The following GMDS variants were observed in gnomAD, a reference collection of about 807,000 sequenced individuals.
GMDS encodes the protein GDP-mannose 4,6 dehydratase.
In GMDS, 20 loss-of-function variants were observed where a neutral mutation model predicts 49.9. The ratio of observed to expected loss-of-function variants is 0.40; its 90% CI spans 0.28 to 0.58. The LOEUF (loss-of-function observed/expected upper bound fraction) is 0.58. Among genes scored for constraint, GMDS ranks in the 20% least tolerant of loss-of-function variants. The probability of loss-of-function intolerance (pLI) is 0.42; values close to 1 mark genes in which losing one functional copy is unlikely to be tolerated. For missense variants in GMDS, 362 were observed against 481.4 expected (o/e 0.75, Z 2.32); for synonymous variants, 177 against 178.6 (o/e 0.99, Z 0.07).
At chr6:1,974,953 G>C (rs1442443610) in intron 4 of GMDS, among the ~76,000 whole-genome samples, 4 of 151,538 alleles carry the variant, frequency 2.6e-5, no homozygotes, top group Admixed American at 1.3e-4. Flanking sequence ...CAGGAGAATT[G>C]CTTGAACCCA....
At chr6:1,634,531 C>T (rs538578535) in intron 9 of GMDS, among the ~76,000 whole-genome samples, 2 of 152,328 alleles carry the variant, frequency 1.3e-5, no homozygotes, top group South Asian at 4.2e-4. Flanking sequence ...CTGGGTGTGT[C>T]TCTCTGTGTC....
rs542769157 is a variant in GMDS, at chr6:2,025,210, T to C, written c.346-64244A>G. ...AACTCAAAGAAAGAAGACATTAAAG[T>C]TGATTTTTATTTTTATTTTGTAAAG... On this transcript the variant is annotated intron_variant, in intron 4 of 10. Coordinates refer to ENST00000380815, the MANE Select transcript of GMDS (RefSeq NM_001500.4). Among the ~76,000 whole-genome samples the C allele has an allele frequency of 2.5e-3, 375 of 152,198 alleles. 1 individual carries two copies. Among genetic ancestry groups the C allele is most frequent in the African/African-American group, 8.8e-3 (364 of 41,536 alleles).
chr6:2,122,935 CCTTCTATTGT>C (rs1775221198), intron 2 of GMDS, among the ~76,000 whole-genome samples: 1 of 152,170 alleles, frequency 6.6e-6, no homozygotes, highest in African/African-American at 2.4e-5. Context: ...GCCAAGTGGG[CCTTCTATTGT>C]CTTTTTGTGT....
rs551321002 is a variant in GMDS at position 1,624,827 on chromosome 6, CTTTTTTTTTTTTTTTT to C, written c.988-303_988-288del. 12 of 83,280 alleles carry C rather than the reference CTTTTTTTTTTTTTTTT, an allele frequency of 1.4e-4. 1 individual carries two copies. Among genetic ancestry groups the C allele is most frequent in the Admixed American group, 2.8e-4 (2 of 7,114 alleles). 5.2% of individuals were successfully genotyped at this position (83,280 alleles called of 1,614,324 possible). ...CAAGGCGTCCCTTGGGCTCTTAATG[CTTTTTTTTTTTTTTTT>C]TTTTTTTTTTTATAACATGAAGTTG... On this transcript the variant is annotated intron_variant, in intron 9 of 10. Transcript: ENST00000380815.
At chr6:1,628,782 G>A (rs894045289) in intron 9 of GMDS, among the ~76,000 whole-genome samples, 10 of 152,198 alleles carry the variant, frequency 6.6e-5, no homozygotes, top group African/African-American at 2.2e-4. Context: ...AAGGAAAGCC[G>A]AGACTGATGA....
chr6:1,821,616 T>G (rs924363207), intron 7 of GMDS, among the ~76,000 whole-genome samples: 3 of 35,420 alleles, frequency 8.5e-5, no homozygotes, highest in African/African-American at 3.9e-4. Context: ...TATTTGTTTT[T>G]TTTTTTTTTT....
intron 8 of GMDS, among the ~76,000 whole-genome samples, chr6:1,730,282 C>T (rs1766740571): frequency 6.6e-6 from 1 of 152,178 alleles, no homozygotes; most frequent in South Asian, 2.1e-4. Flanking sequence ...AATAAACTCA[C>T]ATGAGCTAAG....
At chr6:1,650,782 G>A (rs1763628518) in intron 9 of GMDS, among the ~76,000 whole-genome samples, 1 of 151,980 alleles carries the variant, frequency 6.6e-6, no homozygotes, top group Non-Finnish European at 1.5e-5. Flanking sequence ...GTTTCGCCAT[G>A]TTGTCCAGGC....
chr6:1,959,956 TAG>T lies in GMDS; in HGVS notation c.552_553del (p.Tyr185CysfsTer10). The T allele has an allele frequency of 1.2e-6, 2 of 1,601,062 alleles. No individual in the cohort carries two copies. Among genetic ancestry groups the T allele is most frequent in the African/African-American group, 1.3e-5 (1 of 74,614 alleles). ...GAAGTTCACCACAATCCAATAGGCA[TAG>T]AGTTTTGCTGCCCCTGTTGGAATAA... On this transcript the variant is annotated frameshift_variant, in exon 6 of 11. Transcript: ENST00000380815. LOFTEE classifies it high-confidence loss of function.
rs1046452215 is a variant in GMDS at position 1,907,422 on chromosome 6, T to C, written c.771+22681A>G. On this transcript the variant is annotated intron_variant, in intron 7 of 10. Transcript: ENST00000380815. ...TGAGACCTCTGAATAAAAGCAACTT[T>C]CTAAAAATATTTAAAAAGAAGTTTT... Among the ~76,000 whole-genome samples the C allele has an allele frequency of 2.0e-5, 3 of 152,196 alleles. No homozygotes were observed. The South Asian group carries it at 6.2e-4, about 31-fold the overall frequency.
chr6:1,751,055 A>G (rs1486580939), intron 7 of GMDS, among the ~76,000 whole-genome samples: 1 of 152,212 alleles, frequency 6.6e-6, no homozygotes, highest in Admixed American at 6.5e-5. Context: ...TTTCTGAAAG[A>G]AAGGCAGCAA....
At chr6:2,031,118 G>GTT (rs1768932241) in intron 4 of GMDS, among the ~76,000 whole-genome samples, 1 of 152,146 alleles carries the variant, frequency 6.6e-6, no homozygotes, top group Non-Finnish European at 1.5e-5. Flanking sequence ...TACAGAAATC[G>GTT]CCCTGTTAAC....
In GMDS at chr6:1,698,468, TC is replaced by T. The variant is rs202083649; in HGVS notation, c.987+27947del. 3.9e-4 allele frequency among the ~76,000 whole-genome samples: 60 copies of T among 152,342 alleles called. No homozygotes were observed. The East Asian group carries it at 9.8e-3, about 25-fold the overall frequency. ...TAGGGGCAGCAGTCTTTCTTCTGTT[TC>T]CAGAAAGAGTTGAGTATTTTGTGGT... is the stretch of plus-strand genomic sequence containing the variant. On this transcript the variant is annotated intron_variant, in intron 9 of 10. Coordinates refer to ENST00000380815, the MANE Select transcript of GMDS (RefSeq NM_001500.4).
intron 4 of GMDS, among the ~76,000 whole-genome samples, chr6:1,991,456 C>T (rs575276196): frequency 7.1e-4 from 108 of 152,308 alleles, no homozygotes; most frequent in African/African-American, 2.2e-3. Flanking sequence ...CCCTTCTTTA[C>T]CACCAGTAAC....
At chr6:2,163,647 T>A (rs1463485622) in intron 1 of GMDS, among the ~76,000 whole-genome samples, 1 of 152,158 alleles carries the variant, frequency 6.6e-6, no homozygotes, top group East Asian at 1.9e-4. Flanking sequence ...CTCAAGACAG[T>A]CAGGCAGGAA....
In GMDS at chr6:1,756,293, C is replaced by T. The variant is rs193066303; in HGVS notation, c.772-13707G>A. ...TTTTTTTTTTTTTGAGATGGAGTTTCGCTTTTGTCTCCCTGGCTGGAGTAC... is the reference window on the plus strand; with the variant it reads ...TTTTTTTTTTTTTGAGATGGAGTTTTGCTTTTGTCTCCCTGGCTGGAGTAC... On this transcript the variant is annotated intron_variant, in intron 7 of 10. Transcript: ENST00000380815. 3.3e-3 allele frequency among the ~76,000 whole-genome samples: 457 copies of T among 137,936 alleles called. 2 individuals carry two copies. Among genetic ancestry groups the T allele is most frequent in the African/African-American group, 0.012 (439 of 36,036 alleles). 90.5% of individuals were successfully genotyped at this position (137,936 alleles called of 152,430 possible).
chr6:2,009,257 T>C (rs546359834), intron 4 of GMDS, among the ~76,000 whole-genome samples: 3 of 152,276 alleles, frequency 2.0e-5, no homozygotes, highest in East Asian at 3.9e-4. Context: ...CATGAAGAAG[T>C]AGTGACCAAC....
intron 9 of GMDS, among the ~76,000 whole-genome samples, chr6:1,705,420 G>C (rs1057148289): frequency 6.6e-6 from 1 of 152,198 alleles, no homozygotes; most frequent in African/African-American, 2.4e-5. Context: ...TAGGCAGGTG[G>C]TAAGTTTGTA....
chr6:1,853,604 G>A (rs1431851058), intron 7 of GMDS, among the ~76,000 whole-genome samples: 5 of 150,652 alleles, frequency 3.3e-5, no homozygotes, highest in Non-Finnish European at 5.9e-5. Context: ...GGACAACCAC[G>A]TGTACAGGGC....
Sources: gnomAD v4.1 joint callset for allele counts (sites outside exome capture counted in the v4.1 genomes callset) on GRCh38, gnomAD v4.1.1 for gene constraint, MANE v1.5 for transcripts, NCBI Gene and HGNC (gene_info 2026-07-23, HGNC 2026-07-21) for gene names.